Variants in SCN2A observed in about 807,000 individuals in gnomAD.
The protein encoded by SCN2A is sodium channel protein type 2 subunit alpha.
Under a neutral mutation model 188.7 loss-of-function variants are expected in SCN2A, and 20 were observed. The ratio of observed to expected loss-of-function variants is 0.11; its 90% CI spans 0.07 to 0.15. The LOEUF (loss-of-function observed/expected upper bound fraction) is 0.15. Among genes scored for constraint, SCN2A ranks in the 10% least tolerant of loss-of-function variants. The pLI, the probability that SCN2A is intolerant of heterozygous loss-of-function variation, is 1.00. For missense variants in SCN2A, 1,278 were observed against 2,445.0 expected, an observed-to-expected ratio of 0.52 and a Z score of 10.07; for synonymous variants, 804 against 833.1, an observed-to-expected ratio of 0.97 and a Z score of 0.60.
intron 17 of SCN2A, among the ~76,000 whole-genome samples, chr2:165,360,881 G>A (rs1700427996): frequency 6.6e-6 from 1 of 151,912 alleles, no homozygotes; most frequent in African/African-American, 2.4e-5. Flanking sequence ...CTAGATTGGA[G>A]CATTTACAGG....
rs1702144249 is a variant in SCN2A at position 165,392,184 on chromosome 2, G to A, written c.*2360G>A. On this transcript the variant is annotated 3_prime_UTR_variant, in exon 27 of 27. Coordinates refer to ENST00000375437, the MANE Select transcript of SCN2A (RefSeq NM_001040142.2). ...ATAATTCATCTTTCAATTTTTTCAT[G>A]GAATGGAAGTTAATTAAGAAGAGTG... is the stretch of plus-strand genomic sequence containing the variant. 1 of 152,362 alleles carries A rather than the reference G, an allele frequency of 6.6e-6. No individual in the cohort carries two copies. Among genetic ancestry groups the A allele is most frequent in the Non-Finnish European group, 1.5e-5 (1 of 67,950 alleles). 9.4% of individuals were successfully genotyped at this position (152,362 alleles called of 1,614,324 possible). A position where few individuals can be genotyped will look rare whatever the true frequency, so the allele number is the denominator to read the frequency against.
chr2:165,266,843 C>A (rs1237032984), intron 1 of SCN2A: 2 of 151,932 alleles, frequency 1.3e-5, no homozygotes, highest in Non-Finnish European at 2.9e-5. Flanking sequence ...AGTCAACATA[C>A]AAAAATCAGT....
intron 1 of SCN2A, chr2:165,269,053 G>A: frequency 6.6e-6 from 1 of 152,018 alleles, no homozygotes; most frequent in African/African-American, 2.4e-5. Context: ...CAGTTAAACA[G>A]GAGGAATAAG....
intron 1 of SCN2A, among the ~76,000 whole-genome samples, chr2:165,247,253 A>G (rs888245803): frequency 2.6e-5 from 4 of 152,044 alleles, no homozygotes; most frequent in Non-Finnish European, 5.9e-5. Flanking sequence ...TTGCTCTTGT[A>G]TTTGAATTTT....
At chr2:165,309,724 AG>A (rs534199327) in intron 6 of SCN2A, among the ~76,000 whole-genome samples, 1 of 152,166 alleles carries the variant, frequency 6.6e-6, no homozygotes, top group Non-Finnish European at 1.5e-5. Context: ...CTTTCCGCAT[AG>A]AAGCTAGACT....
At chr2:165,316,213 G>A (rs1015953414) in intron 11 of SCN2A, among the ~76,000 whole-genome samples, 1 of 152,114 alleles carries the variant, frequency 6.6e-6, no homozygotes, top group Non-Finnish European at 1.5e-5. Flanking sequence ...TCATGCCTTT[G>A]TTTCAAAGGG....
chr2:165,350,258 C>T (rs1173576272), intron 16 of SCN2A, among the ~76,000 whole-genome samples: 2 of 152,114 alleles, frequency 1.3e-5, no homozygotes, highest in Admixed American at 1.3e-4. Flanking sequence ...CTTCCTCTCA[C>T]AAGTTGGGAA....
chr2:165,348,727 G>A (rs149846354), intron 16 of SCN2A, among the ~76,000 whole-genome samples: 11 of 152,302 alleles, frequency 7.2e-5, no homozygotes, highest in African/African-American at 2.6e-4. Flanking sequence ...TATCTTGACT[G>A]GGGCTGGAGG....
At chr2:165,269,475 A>G (rs563345516) in intron 1 of SCN2A, 5 of 152,182 alleles carry the variant, frequency 3.3e-5, no homozygotes, top group African/African-American at 1.2e-4. Context: ...TAAGCAAGAA[A>G]TAAACTTATT....
chr2:165,256,952 C>G (rs1694355166), intron 1 of SCN2A, among the ~76,000 whole-genome samples: 1 of 152,112 alleles, frequency 6.6e-6, no homozygotes. Flanking sequence ...TTAACAGTTA[C>G]TAGTTCAACT....
At chr2:165,366,788 C>A (rs1700752910) in intron 18 of SCN2A, among the ~76,000 whole-genome samples, 1 of 148,806 alleles carries the variant, frequency 6.7e-6, no homozygotes, top group South Asian at 2.1e-4. Context: ...ATTATGAAAT[C>A]TTTCACAAAT....
At chr2:165,388,499 C>T in intron 26 of SCN2A, 130 bp from the exon 27 acceptor site, 1 of 1,247,008 alleles carries the variant, frequency 8.0e-7, no homozygotes, top group Non-Finnish European at 1.1e-6. Flanking sequence ...ACAAACATTG[C>T]AGATTATTTG....
At chr2:165,351,080 T>C (rs564776664) in intron 16 of SCN2A, among the ~76,000 whole-genome samples, 5 of 152,314 alleles carry the variant, frequency 3.3e-5, no homozygotes, top group African/African-American at 1.2e-4. Context: ...ACATTTATTT[T>C]ATAGATGAGG....
intron 13 of SCN2A, chr2:165,327,342 C>G (rs1698411339): frequency 8.7e-6 from 2 of 230,394 alleles, no homozygotes; most frequent in Non-Finnish European, 1.7e-5. Flanking sequence ...GCTTGAGACA[C>G]AAGTTATAAA....
At chr2:165,265,395 A>G (rs979368141) in intron 1 of SCN2A, among the ~76,000 whole-genome samples, 1 of 133,468 alleles carries the variant, frequency 7.5e-6, no homozygotes, top group African/African-American at 2.8e-5. Flanking sequence ...TAGATGCTGG[A>G]TATTAGACCT....
intron 1 of SCN2A, chr2:165,270,465 A>G (rs763411444): frequency 2.8e-4 from 43 of 152,062 alleles, no homozygotes; most frequent in Non-Finnish European, 1.3e-4. Flanking sequence ...ATATTTTGTA[A>G]TAGAGTTTTC....
chr2:165,315,852 T>C (rs112713781), intron 11 of SCN2A, 94 bp downstream of exon 11: 9 of 1,339,712 alleles, frequency 6.7e-6, no homozygotes, highest in African/African-American at 5.8e-5. Flanking sequence ...TCCACCTGGA[T>C]GGCACAATGC....
chr2:165,264,742 C>T (rs1020915283), intron 1 of SCN2A, among the ~76,000 whole-genome samples: 24 of 152,138 alleles, frequency 1.6e-4, no homozygotes, highest in African/African-American at 5.3e-4. Context: ...TCCTGTGTTA[C>T]TTTGCTGAGG....
intron 12 of SCN2A, among the ~76,000 whole-genome samples, chr2:165,323,722 A>T (rs1372694668): frequency 3.9e-5 from 6 of 152,218 alleles, no homozygotes; most frequent in Non-Finnish European, 7.3e-5. Flanking sequence ...AATTAGAAGT[A>T]ATCTTTCATC....
Sources: allele counts gnomAD v4.1 joint callset (sites outside exome capture counted in the v4.1 genomes callset), GRCh38; gene constraint gnomAD v4.1.1; transcripts MANE v1.5; gene names NCBI Gene and HGNC (gene_info 2026-07-23, HGNC 2026-07-21).